Variants in ANO4 observed in about 807,000 individuals in gnomAD.
ANO4 encodes anoctamin-4.
In ANO4, 69 loss-of-function variants were observed where a neutral mutation model predicts 141.9. The observed-to-expected ratio is 0.49, with a 90% CI of 0.40 to 0.59. The LOEUF is 0.59. Among genes scored for constraint, ANO4 ranks in the 20% least tolerant of loss-of-function variants. The pLI, the probability that ANO4 is intolerant of heterozygous loss-of-function variation, is 0.00. For synonymous variants in ANO4, 350 were observed against 394.3 expected (o/e 0.89, Z 1.33); for missense variants, 894 against 1,162.2 (o/e 0.77, Z 3.36).
At chr12:100,868,394 T>G (rs1359807957) in intron 1 of ANO4, among the ~76,000 whole-genome samples, 1 of 152,170 alleles carries the variant, frequency 6.6e-6, no homozygotes, top group Non-Finnish European at 1.5e-5. Flanking sequence ...AAGTAGCACC[T>G]TAGTAGGTGG....
Position 101,083,809 on chromosome 12 carries a change from AT to A in ANO4, c.1533del (p.Phe511LeufsTer2). On this transcript the variant is annotated frameshift_variant, in exon 16 of 28. Transcript: ENST00000392977. LOFTEE classifies it high-confidence loss of function. ...GACTTATCGTTTCTGCATCTGGAAT[AT>A]TTTTTATGGTTTGAAACTTTTAAAA... ...SRLIVSASGI[F>X]FMICVVIAAV... The A allele has an allele frequency of 6.4e-7, 1 of 1,562,708 alleles. No individual in the cohort carries two copies. The highest frequency in any genetic ancestry group is 8.6e-7 in the Non-Finnish European group (1 of 1,165,020).
At chr12:101,104,108 G>A (rs1338519696) in intron 22 of ANO4, among the ~76,000 whole-genome samples, 1 of 151,590 alleles carries the variant, frequency 6.6e-6, no homozygotes, top group Non-Finnish European at 1.5e-5. Flanking sequence ...TAATTTCATA[G>A]TTTGTGCTTT....
intron 1 of ANO4, among the ~76,000 whole-genome samples, chr12:100,801,098 T>G (rs1202377098): frequency 6.8e-6 from 1 of 147,654 alleles, no homozygotes; most frequent in Non-Finnish European, 1.5e-5. Context: ...TACTTGTCTC[T>G]CTCTCTCTCT....
chr12:100,823,121 A>G (rs11110538), intron 1 of ANO4, among the ~76,000 whole-genome samples: 7,117 of 152,124 alleles, frequency 0.047, 225 homozygotes, highest in Middle Eastern at 0.095. Flanking sequence ...CTTAGGTTCA[A>G]TGTCATCTTT....
At chr12:100,812,034 ATG>A (rs1195989542) in intron 1 of ANO4, among the ~76,000 whole-genome samples, 1 of 89,088 alleles carries the variant, frequency 1.1e-5, no homozygotes, top group Non-Finnish European at 2.2e-5. Flanking sequence ...ACACACATAT[ATG>A]TGTACACACA....
At chr12:101,020,269 T>G (rs1277195388) in intron 9 of ANO4, 129 bp downstream of exon 9, 1 of 626,782 alleles carries the variant, frequency 1.6e-6, no homozygotes, top group African/African-American at 1.9e-5. Context: ...ACTAATCCTT[T>G]GATGAATAAT....
chr12:101,125,683 C>T (rs1220508264), intron 26 of ANO4, among the ~76,000 whole-genome samples: 2 of 152,130 alleles, frequency 1.3e-5, no homozygotes, highest in Non-Finnish European at 2.9e-5. Flanking sequence ...ATTACTTATG[C>T]TTATGTGATG....
At chr12:100,936,511 A>C (rs2136156080) in intron 3 of ANO4, among the ~76,000 whole-genome samples, 1 of 152,312 alleles carries the variant, frequency 6.6e-6, no homozygotes, top group African/African-American at 2.4e-5. Flanking sequence ...AGTGCCAGAA[A>C]GTAATATTGA....
At position 100,830,619 on chromosome 12, in the gene ANO4, T is replaced by A. The variant is rs538706031; in HGVS notation, c.-141+35592T>A. On this transcript the variant is annotated intron_variant, in intron 1 of 27. Transcript: ENST00000392977. ...AACTGCCCCGGGACTGCTTCTTGGG[T>A]AATAATGGACATCACATGGGCCATC... Among the ~76,000 whole-genome samples, 5 of 152,118 alleles carry A rather than the reference T, an allele frequency of 3.3e-5. 1 individual carries two copies. The South Asian group carries it at 1.0e-3, about 32-fold the overall frequency.
rs577493469 is a variant in ANO4, at chr12:100,859,148, C to T, written c.-140-42498C>T. ...CCTTTTTTGGGCTATAGTACAGTATCGTTCCGTGCTAGTATAGTTCGGTCC... is the reference window on the plus strand; with the variant it reads ...CCTTTTTTGGGCTATAGTACAGTATTGTTCCGTGCTAGTATAGTTCGGTCC... On this transcript the variant is annotated intron_variant, in intron 1 of 27. Coordinates refer to ENST00000392977, the MANE Select transcript of ANO4 (RefSeq NM_001286615.2). 7.2e-5 allele frequency: 11 copies of T among 152,218 alleles called. 1 individual carries two copies. Among genetic ancestry groups the T allele is most frequent in the African/African-American group, 1.2e-4 (5 of 41,540 alleles). The allele number at this position is 152,218 out of a possible 1,614,324, so 9.4% of individuals were successfully genotyped here.
At chr12:101,110,828 T>C (rs1466298065) in intron 23 of ANO4, among the ~76,000 whole-genome samples, 4 of 152,208 alleles carry the variant, frequency 2.6e-5, no homozygotes, top group African/African-American at 9.6e-5. Flanking sequence ...AATCTAAAAT[T>C]TAGATTTATT....
Position 100,992,449 on chromosome 12 carries a change from G to A in ANO4, c.734+4779G>A, listed in dbSNP as rs575653489. Reference sequence around the variant, plus strand: ...GTTTCCTCTCCTGGAATTCTCTTCCGATTCTTTCCTTCTTCATGTAGTATG... The same window carrying A: ...GTTTCCTCTCCTGGAATTCTCTTCCAATTCTTTCCTTCTTCATGTAGTATG... On this transcript the variant is annotated intron_variant, in intron 8 of 27. Coordinates refer to ENST00000392977, the MANE Select transcript of ANO4 (RefSeq NM_001286615.2). Among the ~76,000 whole-genome samples the A allele has an allele frequency of 8.6e-4, 131 of 152,066 alleles. 1 individual carries two copies. The highest frequency in any genetic ancestry group is 1.5e-3 in the Non-Finnish European group (105 of 67,980).
intron 1 of ANO4, among the ~76,000 whole-genome samples, chr12:100,890,218 C>T (rs1212678044): frequency 1.3e-5 from 2 of 152,096 alleles, no homozygotes; most frequent in African/African-American, 2.4e-5. Context: ...TTGAAGCTCA[C>T]GTAGTAACTC....
intron 3 of ANO4, among the ~76,000 whole-genome samples, chr12:100,746,182 G>A (rs2032093894): frequency 6.6e-6 from 1 of 152,200 alleles, no homozygotes; most frequent in Non-Finnish European, 1.5e-5. Context: ...GGCTGGGCAT[G>A]GTGGCTCACG....
intron 1 of ANO4, among the ~76,000 whole-genome samples, chr12:100,851,743 G>A (rs1170778446): frequency 6.6e-6 from 1 of 152,160 alleles, no homozygotes; most frequent in Non-Finnish European, 1.5e-5. Context: ...GGTATGTGAA[G>A]TGTGGGCTGT....
At chr12:100,975,211 G>A (rs1369161829) in intron 7 of ANO4, among the ~76,000 whole-genome samples, 2 of 149,618 alleles carry the variant, frequency 1.3e-5, no homozygotes, top group South Asian at 2.1e-4. Flanking sequence ...GTGGATTTTG[G>A]TTACGTGGAT....
intron 14 of ANO4, among the ~76,000 whole-genome samples, chr12:101,067,881 C>G (rs2048654991): frequency 6.6e-6 from 1 of 152,118 alleles, no homozygotes; most frequent in Non-Finnish European, 1.5e-5. Flanking sequence ...TAGATATGTT[C>G]TGTTCATTCA....
At chr12:100,837,793 G>T (rs10459200) in intron 1 of ANO4, among the ~76,000 whole-genome samples, 124,425 of 150,500 alleles carry the variant, frequency 0.83, 51,475 homozygotes, top group Admixed American at 0.87. Context: ...CAAATAAAGG[G>T]TTGAGTGGTC....
At chr12:100,732,482 A>G (rs572006473) in intron 1 of ANO4, among the ~76,000 whole-genome samples, 12 of 152,072 alleles carry the variant, frequency 7.9e-5, no homozygotes, top group African/African-American at 2.4e-4. Flanking sequence ...CCTTTATCAG[A>G]TATGTGTTTT....
Sources: gnomAD v4.1 joint callset for allele counts (sites outside exome capture counted in the v4.1 genomes callset) on GRCh38, gnomAD v4.1.1 for gene constraint, MANE v1.5 for transcripts, NCBI Gene and HGNC (gene_info 2026-07-23, HGNC 2026-07-21) for gene names.